GZF1: variants seen among roughly 807,000 people sequenced by gnomAD.
The protein encoded by GZF1 is GDNF-inducible zinc finger protein 1.
Under a neutral mutation model 49.4 loss-of-function variants are expected in GZF1, and 28 were observed. The ratio of observed to expected loss-of-function variants is 0.57; its 90% CI spans 0.42 to 0.78. The LOEUF (loss-of-function observed/expected upper bound fraction) is 0.78, where lower values mean the gene tolerates loss of function less well. Ranked by LOEUF, GZF1 falls within the 30% of genes least tolerant of loss-of-function variation. The pLI is 0.00. For missense variants in GZF1, 798 were observed against 916.2 expected (o/e 0.87, Z 1.67); for synonymous variants, 364 against 356.0 (o/e 1.02, Z -0.25).
In GZF1 at chr20:23,369,822, C is replaced by G. The variant is rs911194166; in HGVS notation, c.1785+81C>G. ...AAGAGAAATACCTACCACCATTCTC[C>G]AAGGTGGTTAGAGGTCGAGACAACA... is the stretch of plus-strand genomic sequence containing the variant. On this transcript the variant is annotated intron_variant, in intron 5 of 5. Coordinates refer to ENST00000338121, the MANE Select transcript of GZF1 (RefSeq NM_022482.5). The G allele has an allele frequency of 2.7e-5, 39 of 1,442,912 alleles. No homozygotes were observed. In the African/African-American group the frequency reaches 4.8e-4, roughly 18 times the overall value. The allele number at this position is 1,442,912 out of a possible 1,614,324, so 89.4% of individuals were successfully genotyped here.
rs1472234092 is a variant in GZF1, at chr20:23,368,793, C to T, written c.1491C>T (p.Gly497=). 2 of 1,610,490 alleles carry T rather than the reference C, an allele frequency of 1.2e-6. No individual in the cohort carries two copies. The highest frequency in any genetic ancestry group is 1.3e-5 in the African/African-American group (1 of 74,736). Residue 497 remains glycine, a synonymous_variant, in exon 4 of 6, where the codon GGC becomes GGT. Transcript: ENST00000338121. The part of the protein sequence containing the change: ...GERPFMCETC[G]KSFASKEYLK... Reference sequence around the variant, plus strand: ...GACCTTTTATGTGTGAAACATGTGGCAAGAGTTTTGCTTCTAAGGAGTACT... The same window carrying T: ...GACCTTTTATGTGTGAAACATGTGGTAAGAGTTTTGCTTCTAAGGAGTACT...
chr20:23,361,583 AGAG>A (rs1980663518), upstream of GZF1, among the ~76,000 whole-genome samples: 1 of 151,722 alleles, frequency 6.6e-6, no homozygotes, highest in Non-Finnish European at 1.5e-5. Context: ...GAAGCGCCCC[AGAG>A]GAGAGCGCCG....
chr20:23,369,028 T>A, intron 4 of GZF1, 99 bp downstream of exon 4: 1 of 1,056,022 alleles, frequency 9.5e-7, no homozygotes, highest in South Asian at 1.8e-5. Context: ...ACTAAGCTTT[T>A]GAAGAAAACT....
rs759041068 is a variant in GZF1, at chr20:23,364,348, G to A, written c.-21-15G>A. The A allele has an allele frequency of 8.1e-6, 12 of 1,474,908 alleles. No homozygotes were observed. The highest frequency in any genetic ancestry group is 1.3e-5 in the South Asian group (1 of 76,364). The allele number at this position is 1,474,908 out of a possible 1,614,324, so 91.4% of individuals were successfully genotyped here. On this transcript the variant is annotated splice_polypyrimidine_tract_variant and intron_variant, in intron 1 of 5. Coordinates refer to ENST00000338121, the MANE Select transcript of GZF1 (RefSeq NM_022482.5). ...CAGTGGTTGCTCATGCATAATTCTT[G>A]TTTCTTTTTCAAAGCTGTTTTTGGA...
At position 23,368,816 on chromosome 20, in the gene GZF1, A is replaced by G; in HGVS notation, c.1514A>G (p.Tyr505Cys). 6.2e-7 allele frequency: 1 copy of G among 1,613,632 alleles called. No individual in the cohort carries two copies. The change falls in exon 4 of 6, where the codon TAC becomes TGC. Residue 505 changes from tyrosine (Y) to cysteine (C), a missense_variant. By Grantham distance (194) the Tyr-to-Cys change is radical. This residue lies in a region of GZF1 where 446 missense variants were observed against 540.1 expected (regional missense o/e 0.83). Transcript: ENST00000338121. ...TCGKSFASKE[Y>C]LKHHNRIHTG... ...GGCAAGAGTTTTGCTTCTAAGGAGT[A>G]CTTAAAACACCACAATAGAATCCAT...
chr20:23,363,863 G>A (rs1015509484), intron 1 of GZF1, among the ~76,000 whole-genome samples: 4 of 152,256 alleles, frequency 2.6e-5, no homozygotes, highest in African/African-American at 4.8e-5. Flanking sequence ...ACTTTTCCAA[G>A]AAGTTTTCCT....
intron 4 of GZF1, 22 bp from the exon 5 acceptor site, chr20:23,369,562 G>A (rs376140714): frequency 1.9e-5 from 30 of 1,590,960 alleles, no homozygotes; most frequent in Non-Finnish European, 2.3e-5. Flanking sequence ...CCCACCAGCA[G>A]TCTCCTCTCT....
chr20:23,368,788 T>A lies in GZF1; in HGVS notation c.1486T>A (p.Cys496Ser). ...TGAAAGACCTTTTATGTGTGAAACATGTGGCAAGAGTTTTGCTTCTAAGGA... is the reference window on the plus strand; with the variant it reads ...TGAAAGACCTTTTATGTGTGAAACAAGTGGCAAGAGTTTTGCTTCTAAGGA... ...TGERPFMCET[C>S]GKSFASKEYL... The change falls in exon 4 of 6, where the codon TGT (cysteine) becomes AGT (serine). Residue 496 changes from cysteine (C) to serine (S), a missense_variant. Physicochemically the swap from Cys to Ser is moderately radical, Grantham distance 112 (BLOSUM62 -1). Transcript: ENST00000338121. 1 of 1,611,176 alleles carries A rather than the reference T, an allele frequency of 6.2e-7. No homozygotes were observed. Among genetic ancestry groups the A allele is most frequent in the East Asian group, 2.2e-5 (1 of 44,844 alleles).
At position 23,370,402 on chromosome 20, in the gene GZF1, G is replaced by C; in HGVS notation, c.2097G>C (p.Ser699=). 1.2e-6 allele frequency: 2 copies of C among 1,613,776 alleles called. No homozygotes were observed. The highest frequency in any genetic ancestry group is 2.2e-5 in the East Asian group (1 of 44,874). ...ELSELTPQTD[S]MPTQLHSLSN... is the part of the protein sequence containing the mutation. ...GCGAGCTGACCCCACAGACAGACTC[G>C]ATGCCCACACAGCTTCACTCTTTGA... Residue 699 remains serine (S), a synonymous_variant, in exon 6 of 6, where the codon TCG becomes TCC. Coordinates refer to ENST00000338121, the MANE Select transcript of GZF1 (RefSeq NM_022482.5).
rs1359334884 is a variant in GZF1 at position 23,365,619 on chromosome 20, C to T, written c.1236C>T (p.Cys412=). 1.9e-6 allele frequency: 3 copies of T among 1,605,742 alleles called. No homozygotes were observed. The highest frequency in any genetic ancestry group is 1.7e-6 in the Non-Finnish European group (2 of 1,179,360). ...GCGAGCGGCACCGCTGCGGCCAGTG[C>T]GGCAAGGGCCTGAGTTCCAAGACAG... ...GGGERHRCGQ[C]GKGLSSKTAL... The change falls in exon 2 of 6, where the codon TGC becomes TGT. Residue 412 remains cysteine (C), a synonymous_variant. Coordinates refer to ENST00000338121, the MANE Select transcript of GZF1 (RefSeq NM_022482.5).
chr20:23,366,949 C>A, intron 2 of GZF1, 54 bp from the exon 3 acceptor site: 3 of 1,267,900 alleles, frequency 2.4e-6, no homozygotes, highest in Non-Finnish European at 3.4e-6. Context: ...AATTGTATTG[C>A]AAAGTGAGCT....
chr20:23,362,227 C>G lies in GZF1; in HGVS notation c.-32C>G, dbSNP rs1980739946. 1 of 152,072 alleles carries G rather than the reference C, an allele frequency of 6.6e-6. No homozygotes were observed. Among genetic ancestry groups the G allele is most frequent in the Non-Finnish European group, 1.5e-5 (1 of 68,082 alleles). The allele number at this position is 152,072 out of a possible 1,614,324, so 9.4% of individuals were successfully genotyped here. ...GCGGACAGCGGCTGCAGCGGGGGCGCCGGCTGGGAGGTGAGTGCGCGGCCC... is the reference window on the plus strand; with the variant it reads ...GCGGACAGCGGCTGCAGCGGGGGCGGCGGCTGGGAGGTGAGTGCGCGGCCC... On this transcript the variant is annotated 5_prime_UTR_variant, in exon 1 of 6. Coordinates refer to ENST00000338121, the MANE Select transcript of GZF1 (RefSeq NM_022482.5).
rs1247983311 is a variant in GZF1, at chr20:23,369,759, T to A, written c.1785+18T>A. On this transcript the variant is annotated intron_variant, in intron 5 of 5. Transcript: ENST00000338121. Reference sequence around the variant, plus strand: ...ACACCTCAGTAAGCAGTGGGTTGGCTTATTTGAGAAACAAGCTGCTGCCCT... The same window carrying A: ...ACACCTCAGTAAGCAGTGGGTTGGCATATTTGAGAAACAAGCTGCTGCCCT... The A allele has an allele frequency of 2.5e-6, 4 of 1,594,106 alleles. No homozygotes were observed. The highest frequency in any genetic ancestry group is 3.4e-6 in the Non-Finnish European group (4 of 1,168,952).
In GZF1 at chr20:23,372,002, C is replaced by A. The variant is rs1303304728; in HGVS notation, c.*1561C>A. The A allele has an allele frequency of 6.6e-6, 1 of 152,622 alleles. No homozygotes were observed. The allele number at this position is 152,622 out of a possible 1,614,324, so 9.5% of individuals were successfully genotyped here. A position where few individuals can be genotyped will look rare whatever the true frequency, so the allele number is the denominator to read the frequency against. On this transcript the variant is annotated 3_prime_UTR_variant, in exon 6 of 6. Transcript: ENST00000338121. ...TGGAGGTCACAGTACTAATTTACTT[C>A]AAATTTAGTTATGACAGTGTCACTG...
At position 23,365,264 on chromosome 20, in the gene GZF1, AAGC is replaced by A. The variant is rs770985351; in HGVS notation, c.884_886del (p.Ala295del). The stretch of plus-strand genomic sequence containing the variant: ...GCTGAGTTGGAGGAATTGTCAAAGA[AAGC>A]AGGGCCGGAGGAGGAAGAGGAGGAG... On this transcript the variant is annotated inframe_deletion, in exon 2 of 6. Transcript: ENST00000338121. 3 of 1,605,854 alleles carry A rather than the reference AAGC, an allele frequency of 1.9e-6. No individual in the cohort carries two copies. Among genetic ancestry groups the A allele is most frequent in the Non-Finnish European group, 2.6e-6 (3 of 1,175,602 alleles).
rs1982156506 is a variant in GZF1 at position 23,372,370 on chromosome 20, G to A, written c.*1929G>A. ...GTGAATAATGAAATGTAAAATCCGG[G>A]TCCATAAGCCTTTATTTCATACAGT... On this transcript the variant is annotated 3_prime_UTR_variant, in exon 6 of 6. Coordinates refer to ENST00000338121, the MANE Select transcript of GZF1 (RefSeq NM_022482.5). 1 of 152,090 alleles carries A rather than the reference G, an allele frequency of 6.6e-6. No homozygotes were observed. Among genetic ancestry groups the A allele is most frequent in the Admixed American group, 6.6e-5 (1 of 15,264 alleles). The allele number at this position is 152,090 out of a possible 1,614,324, so 9.4% of individuals were successfully genotyped here. A position where few individuals can be genotyped will look rare whatever the true frequency, so the allele number is the denominator to read the frequency against.
rs1262050883 is a variant in GZF1, at chr20:23,370,718, G to A, written c.*277G>A. 26 of 405,450 alleles carry A rather than the reference G, an allele frequency of 6.4e-5. No individual in the cohort carries two copies. Among genetic ancestry groups the A allele is most frequent in the South Asian group, 3.2e-4 (12 of 37,436 alleles). The allele number at this position is 405,450 out of a possible 1,614,324, so 25.1% of individuals were successfully genotyped here. On this transcript the variant is annotated 3_prime_UTR_variant, in exon 6 of 6. Transcript: ENST00000338121. ...CTGGTGTAGGGTGTATGTGCTAATC[G>A]TTCTAATTCTTGATTACCTAGTTTA...
At position 23,369,599 on chromosome 20, in the gene GZF1, G is replaced by T. The variant is rs1489769997; in HGVS notation, c.1643G>T (p.Cys548Phe). The T allele has an allele frequency of 6.2e-7, 1 of 1,613,032 alleles. No homozygotes were observed. Among genetic ancestry groups the T allele is most frequent in the Non-Finnish European group, 8.5e-7 (1 of 1,179,472 alleles). Residue 548 changes from cysteine (C) to phenylalanine (F), a missense_variant, in exon 5 of 6, where the codon TGC (cysteine) becomes TTC (phenylalanine). Cys to Phe is a radical substitution (Grantham distance 205). Around this residue, in one of 3 missense-constraint regions of GZF1, gnomAD observed 446 missense variants for 540.1 expected, o/e 0.83. Transcript: ENST00000338121. ...CCTGCCTCAGGGGAGCGTCCCTACT[G>T]CTGTGACCAGTGCGGCAAGCAGTTC... is the stretch of plus-strand genomic sequence containing the variant. ...IKVHTGERPYCCDQCGKQFTQ... is the reference protein window; with the variant it reads ...IKVHTGERPYFCDQCGKQFTQ...
chr20:23,369,001 C>T lies in GZF1; in HGVS notation c.1627+72C>T, dbSNP rs1981740533. 3 of 1,339,364 alleles carry T rather than the reference C, an allele frequency of 2.2e-6. No homozygotes were observed. In the Admixed American group the frequency reaches 7.0e-5, roughly 31 times the overall value. 83.0% of individuals were successfully genotyped at this position (1,339,364 alleles called of 1,614,324 possible). On this transcript the variant is annotated intron_variant, in intron 4 of 5. Transcript: ENST00000338121. Reference sequence around the variant, plus strand: ...AAAAATTCTAAAGCTTGTAGATTTACCAGTAAATTACTTGGAACTAAGCTT... The same window carrying T: ...AAAAATTCTAAAGCTTGTAGATTTATCAGTAAATTACTTGGAACTAAGCTT...
Sources: gnomAD v4.1 joint callset for allele counts (sites outside exome capture counted in the v4.1 genomes callset) on GRCh38, gnomAD v4.1.1 for gene constraint, gnomAD v4.1.1 regional missense constraint, MANE v1.5 for transcripts, NCBI Gene and HGNC (gene_info 2026-07-23, HGNC 2026-07-21) for gene names.